Variants in DYNC2I1 observed in about 807,000 individuals in gnomAD.
DYNC2I1 encodes cytoplasmic dynein 2 intermediate chain 1.
In DYNC2I1, 89 loss-of-function variants were observed where a neutral mutation model predicts 133.4. The ratio of observed to expected loss-of-function variants is 0.67; its 90% confidence interval spans 0.56 to 0.80. The LOEUF (loss-of-function observed/expected upper bound fraction) is 0.80, where lower values mean the gene tolerates loss of function less well. Ranked by LOEUF, DYNC2I1 falls within the 30% of genes least tolerant of loss-of-function variation. The pLI, the probability that DYNC2I1 is intolerant of heterozygous loss-of-function variation, is 0.00. For synonymous variants in DYNC2I1, 504 were observed against 484.3 expected (o/e 1.04, Z -0.54); for missense variants, 1,291 against 1,314.5 (o/e 0.98, Z 0.28).
Position 158,863,580 on chromosome 7 carries a change from G to C in DYNC2I1, c.16-6275G>C, listed in dbSNP as rs187117248. Among the ~76,000 whole-genome samples, 445 of 141,528 alleles carry C rather than the reference G, an allele frequency of 3.1e-3. 7 individuals are homozygous for C. The highest frequency in any genetic ancestry group is 0.028 in the Admixed American group (384 of 13,892). 92.8% of individuals were successfully genotyped at this position (141,528 alleles called of 152,430 possible). A position where few individuals can be genotyped will look rare whatever the true frequency, so the allele number is the denominator to read the frequency against. On this transcript the variant is annotated intron_variant, in intron 1 of 24. Transcript: ENST00000407559. ...GCGGGACTTCCTTAGCTCCAGGTGT[G>C]TGTGAGGGGGGCGGTGAGCCGGACG...
At chr7:158,931,574 G>C (rs1850221573) in intron 21 of DYNC2I1, among the ~76,000 whole-genome samples, 1 of 152,122 alleles carries the variant, frequency 6.6e-6, no homozygotes, top group Non-Finnish European at 1.5e-5. Context: ...GGCCCTTATT[G>C]CTTTATATGG....
chr7:158,875,631 G>A (rs542240346), intron 3 of DYNC2I1, among the ~76,000 whole-genome samples: 1 of 152,108 alleles, frequency 6.6e-6, no homozygotes, highest in African/African-American at 2.4e-5. Flanking sequence ...TGGTGCTTCA[G>A]CCTCCCCAGC....
At chr7:158,931,288 T>C (rs1563194076) in intron 21 of DYNC2I1, among the ~76,000 whole-genome samples, 2 of 152,210 alleles carry the variant, frequency 1.3e-5, no homozygotes, top group Non-Finnish European at 2.9e-5. Context: ...TTCTTGTCAT[T>C]TACTGCACTC....
At chr7:158,841,193 A>T in the DYNC2I1 span, among the ~76,000 whole-genome samples, 8 of 76,282 alleles carry the variant, frequency 1.0e-4, no homozygotes, top group African/African-American at 4.5e-4. Context: ...ATATATATAT[A>T]TATATATATA....
rs918477134 is a variant in DYNC2I1, at chr7:158,905,937, T to C, written c.1358-52T>C. The C allele has an allele frequency of 1.1e-5, 16 of 1,446,816 alleles. 1 individual carries two copies. Among genetic ancestry groups the C allele is most frequent in the Middle Eastern group, 1.7e-4 (1 of 5,760 alleles). 89.6% of individuals were successfully genotyped at this position (1,446,816 alleles called of 1,614,324 possible). A position where few individuals can be genotyped will look rare whatever the true frequency, so the allele number is the denominator to read the frequency against. ...TGTTTTACTCCAGATATTTTTTTGC[T>C]TGGAAGACATATTTCCGTGTTGGAA... is the stretch of plus-strand genomic sequence containing the variant. On this transcript the variant is annotated intron_variant, in intron 10 of 24. Transcript: ENST00000407559.
rs770249657 is a variant in DYNC2I1, at chr7:158,926,246, A to T, written c.2317A>T (p.Thr773Ser). The T allele has an allele frequency of 1.9e-6, 3 of 1,613,612 alleles. No homozygotes were observed. Among genetic ancestry groups the T allele is most frequent in the Middle Eastern group, 3.3e-4 (2 of 6,062 alleles). The change falls in exon 18 of 25, where the codon ACG becomes TCG. Residue 773 changes from threonine (T) to serine (S), a missense_variant. Physicochemically the swap from Thr to Ser is moderately conservative, Grantham distance 58. Transcript: ENST00000407559. The stretch of plus-strand genomic sequence containing the variant: ...TCTTCAAGCAGTAGAACCTATCTCA[A>T]CGTCCGTCCACAAAAAGCAGAGCTT... ...SPLQAVEPIS[T>S]SVHKKQSFVL... is the part of the protein sequence containing the mutation.
intron 1 of DYNC2I1, among the ~76,000 whole-genome samples, chr7:158,866,953 C>T (rs1338212022): frequency 6.7e-6 from 1 of 149,516 alleles, no homozygotes; most frequent in African/African-American, 2.5e-5. Context: ...CTAATTTTCA[C>T]ATTCCAGGAA....
intron 14 of DYNC2I1, among the ~76,000 whole-genome samples, chr7:158,916,392 A>G: frequency 1.1e-5 from 1 of 87,296 alleles, no homozygotes; most frequent in African/African-American, 3.9e-5. Context: ...ATTAAGGATG[A>G]TTGTGAAACG....
rs1262434512 is a variant in DYNC2I1 at position 158,945,571 on chromosome 7, C to T, written c.3003-10C>T. The T allele has an allele frequency of 3.1e-6, 5 of 1,597,010 alleles. No homozygotes were observed. Among genetic ancestry groups the T allele is most frequent in the South Asian group, 1.1e-5 (1 of 88,094 alleles). On this transcript the variant is annotated splice_polypyrimidine_tract_variant and intron_variant, in intron 24 of 24. Transcript: ENST00000407559. The surrounding 1 kb of genome is among the most constrained non-coding windows in gnomAD (Gnocchi z 4.1). ...GCACTGACCCTCTGCTTCTGCCCCT[C>T]TCCCTGCAGGCTGGTGGCCATGGCT...
Position 158,906,053 on chromosome 7 carries a change from A to G in DYNC2I1, c.1422A>G (p.Ser474=), listed in dbSNP as rs753511037. Residue 474 remains serine, a synonymous_variant, in exon 11 of 25, where the codon TCA becomes TCG. Coordinates refer to ENST00000407559, the MANE Select transcript of DYNC2I1 (RefSeq NM_018051.5). ...CGIFVDFASA[S]HRQKSRTQAL... The stretch of plus-strand genomic sequence containing the variant: ...TTTTTGTGGATTTTGCCTCAGCTTC[A>G]CACCGTCAAAAGAGTCGGACTCAGG... 1.2e-6 allele frequency: 2 copies of G among 1,613,830 alleles called. No homozygotes were observed. The highest frequency in any genetic ancestry group is 1.7e-6 in the Non-Finnish European group (2 of 1,179,794).
intron 1 of DYNC2I1, among the ~76,000 whole-genome samples, chr7:158,867,020 T>G (rs895872818): frequency 1.6e-5 from 1 of 61,244 alleles, no homozygotes; most frequent in Non-Finnish European, 3.2e-5. Flanking sequence ...CTAAATCTGT[T>G]TTTTTTTTTT....
intron 11 of DYNC2I1, among the ~76,000 whole-genome samples, chr7:158,908,746 G>A (rs1847089719): frequency 6.6e-6 from 1 of 152,202 alleles, no homozygotes; most frequent in Non-Finnish European, 1.5e-5. Flanking sequence ...GAGCCGGAGA[G>A]GCTGGGCGGT....
chr7:158,918,903 C>G, intron 15 of DYNC2I1, 34 bp downstream of exon 15: 1 of 1,595,656 alleles, frequency 6.3e-7, no homozygotes, highest in East Asian at 2.2e-5. Flanking sequence ...ATTTTAAATC[C>G]AGTGACTAAA....
chr7:158,854,499 C>T (rs1189894612), upstream of DYNC2I1, among the ~76,000 whole-genome samples: 5 of 28,836 alleles, frequency 1.7e-4, no homozygotes, highest in African/African-American at 6.2e-4. Context: ...GGGGGTCTGT[C>T]GGGGGGGGCT....
rs1308278389 is a variant in DYNC2I1, at chr7:158,945,292, C to T, written c.3003-289C>T. Among the ~76,000 whole-genome samples the T allele has an allele frequency of 6.6e-6, 1 of 152,104 alleles. No individual in the cohort carries two copies. Among genetic ancestry groups the T allele is most frequent in the East Asian group, 1.9e-4 (1 of 5,190 alleles). On this transcript the variant is annotated intron_variant, in intron 24 of 24. Coordinates refer to ENST00000407559, the MANE Select transcript of DYNC2I1 (RefSeq NM_018051.5). This position sits in a 1 kb window ranked among gnomAD's most constrained non-coding sequence, Gnocchi z 4.1. ...TGGGCCTGCCTGTGCTGCTGATGGC[C>T]CCCACCTTCTCCAGGGACCTGCTGG... is the stretch of plus-strand genomic sequence containing the variant.
chr7:158,906,972 C>T (rs1246018210), intron 11 of DYNC2I1, among the ~76,000 whole-genome samples: 1 of 152,110 alleles, frequency 6.6e-6, no homozygotes, highest in Non-Finnish European at 1.5e-5. Context: ...AGGGCCTGAG[C>T]AGCATAGCGA....
intron 11 of DYNC2I1, 49 bp from the exon 12 acceptor site, chr7:158,911,501 C>G: frequency 6.3e-7 from 1 of 1,592,338 alleles, no homozygotes; most frequent in Non-Finnish European, 8.6e-7. Context: ...CACTTCCCCA[C>G]GTATATTATT....
chr7:158,867,036 T>C (rs1010829869), intron 1 of DYNC2I1, among the ~76,000 whole-genome samples: 1 of 133,750 alleles, frequency 7.5e-6, no homozygotes, highest in Non-Finnish European at 1.6e-5. Flanking sequence ...TTTTTTTTTT[T>C]GAAACAAACC....
At chr7:158,932,463 G>T (rs771563434) in intron 21 of DYNC2I1, among the ~76,000 whole-genome samples, 6 of 152,136 alleles carry the variant, frequency 3.9e-5, no homozygotes, top group Admixed American at 6.5e-5. Flanking sequence ...TCTGTCTGCC[G>T]TGCTAAAGGG....
Sources: allele counts gnomAD v4.1 joint callset (sites outside exome capture counted in the v4.1 genomes callset), GRCh38; gene constraint gnomAD v4.1.1; non-coding constraint Gnocchi (gnomAD v3.1); transcripts MANE v1.5; gene names NCBI Gene and HGNC (gene_info 2026-07-23, HGNC 2026-07-21).